RAB27A: variants seen among roughly 807,000 people sequenced by gnomAD.
RAB27A encodes RAB27A, member RAS oncogene family.
Under a neutral mutation model 20.8 loss-of-function variants are expected in RAB27A, and 17 were observed. The observed-to-expected ratio is 0.82, with a 90% CI of 0.56 to 1.23. The LOEUF is 1.23. Ranked by LOEUF, RAB27A falls within the 50% of genes most tolerant of loss-of-function variation. The probability of loss-of-function intolerance (pLI) is 0.00; values close to 1 mark genes in which losing one functional copy is unlikely to be tolerated. For missense variants in RAB27A, 277 were observed against 266.7 expected (o/e 1.04, Z -0.27); for synonymous variants, 85 against 92.8 (o/e 0.92, Z 0.48).
intron 2 of RAB27A, among the ~76,000 whole-genome samples, chr15:55,263,212 G>C (rs144661360): frequency 7.2e-5 from 11 of 152,152 alleles, no homozygotes; most frequent in African/African-American, 2.4e-4. Flanking sequence ...CATTCGCCAG[G>C]GGGTAGGGGA....
intron 1 of RAB27A, among the ~76,000 whole-genome samples, chr15:55,316,595 A>G (rs975288600): frequency 3.3e-5 from 5 of 152,008 alleles, no homozygotes; most frequent in Non-Finnish European, 5.9e-5. Flanking sequence ...TAAAAAAAAA[A>G]AGGAGAAAAA....
At chr15:55,295,873 AT>A (rs112752067) in intron 2 of RAB27A, among the ~76,000 whole-genome samples, 4,720 of 144,836 alleles carry the variant, frequency 0.033, 78 homozygotes, top group Non-Finnish European at 0.043. Context: ...TTTTGCTTCA[AT>A]TTTTTTTTTT....
chr15:55,247,070 T>G (rs1398921421), intron 2 of RAB27A, among the ~76,000 whole-genome samples: 1 of 152,200 alleles, frequency 6.6e-6, no homozygotes, highest in Non-Finnish European at 1.5e-5. Flanking sequence ...CCTGGGGCTT[T>G]TTCCAGTCTA....
chr15:55,214,061 T>C (rs1226193748), intron 6 of RAB27A, among the ~76,000 whole-genome samples: 1 of 152,086 alleles, frequency 6.6e-6, no homozygotes, highest in Admixed American at 6.5e-5. Flanking sequence ...TAATGCTGTC[T>C]TATTATTTGA....
intron 2 of RAB27A, among the ~76,000 whole-genome samples, chr15:55,244,020 G>A (rs978448847): frequency 3.9e-5 from 6 of 152,154 alleles, no homozygotes; most frequent in Non-Finnish European, 8.8e-5. Context: ...GTGAAGCTTG[G>A]GCGGGCACAG....
chr15:55,308,808 G>A (rs896378433), intron 2 of RAB27A, among the ~76,000 whole-genome samples: 2 of 152,194 alleles, frequency 1.3e-5, no homozygotes, highest in African/African-American at 2.4e-5. Context: ...TTCACATCAT[G>A]AGATGTCCAC....
chr15:55,306,209 A>G (rs1229457786), intron 2 of RAB27A, among the ~76,000 whole-genome samples: 1 of 152,176 alleles, frequency 6.6e-6, no homozygotes, highest in Non-Finnish European at 1.5e-5. Context: ...TTATTTCCAG[A>G]TTGGAAACAA....
chr15:55,253,606 G>A (rs536788179), intron 2 of RAB27A, among the ~76,000 whole-genome samples: 2 of 152,118 alleles, frequency 1.3e-5, no homozygotes, highest in African/African-American at 4.8e-5. Context: ...CCCAGGATAA[G>A]GCCATCTATG....
At chr15:55,286,607 T>G (rs1898160862) in intron 1 of RAB27A, among the ~76,000 whole-genome samples, 1 of 152,116 alleles carries the variant, frequency 6.6e-6, no homozygotes, top group South Asian at 2.1e-4. Context: ...GCAAAGGTCC[T>G]GAGGTATGGC....
intron 2 of RAB27A, among the ~76,000 whole-genome samples, chr15:55,257,543 T>C (rs1470156822): frequency 6.6e-6 from 1 of 152,220 alleles, no homozygotes; most frequent in Non-Finnish European, 1.5e-5. Context: ...TAAAGTTCTT[T>C]ATCTGGCAGT....
intron 6 of RAB27A, chr15:55,206,360 G>T: frequency 1.6e-6 from 1 of 631,080 alleles, no homozygotes; most frequent in Non-Finnish European, 2.0e-6. Context: ...TTTTTGGAGG[G>T]TTTTTTGTTT....
chr15:55,241,226 T>A (rs2141007729), intron 2 of RAB27A, among the ~76,000 whole-genome samples: 1 of 152,296 alleles, frequency 6.6e-6, no homozygotes, highest in African/African-American at 2.4e-5. Flanking sequence ...ATATTTAAAC[T>A]CTGTACTGCC....
intron 6 of RAB27A, among the ~76,000 whole-genome samples, chr15:55,208,404 T>C (rs28535372): frequency 0.27 from 40,687 of 152,078 alleles, 7,063 homozygotes; most frequent in African/African-American, 0.49. Context: ...TTTATTGTAA[T>C]GCATAATGAA....
chr15:55,293,689 G>C (rs796236115), upstream of RAB27A, among the ~76,000 whole-genome samples: 76 of 151,990 alleles, frequency 5.0e-4, no homozygotes, highest in African/African-American at 1.8e-3. Flanking sequence ...AGGCTGAGGC[G>C]GGTGGATTAC....
chr15:55,304,380 T>C (rs2054988752), intron 2 of RAB27A, among the ~76,000 whole-genome samples: 1 of 151,240 alleles, frequency 6.6e-6, no homozygotes, highest in African/African-American at 2.4e-5. Context: ...TTCACTTGTT[T>C]ATCTGCTGAC....
intron 2 of RAB27A, among the ~76,000 whole-genome samples, chr15:55,264,306 C>T (rs1897383248): frequency 6.6e-6 from 1 of 152,220 alleles, no homozygotes; most frequent in Admixed American, 6.5e-5. Flanking sequence ...CGGCCTCGGC[C>T]TCCCAAAGTA....
chr15:55,245,277 G>A (rs1489236833), intron 2 of RAB27A, among the ~76,000 whole-genome samples: 1 of 152,124 alleles, frequency 6.6e-6, no homozygotes, highest in Non-Finnish European at 1.5e-5. Context: ...CTCAACTTCT[G>A]GTCTAGATGT....
rs369513287 is a variant in RAB27A, at chr15:55,228,935, C to G, written c.240-223G>C. On this transcript the variant is annotated intron_variant, in intron 4 of 6. Transcript: ENST00000336787. The stretch of plus-strand genomic sequence containing the variant: ...GCTGCTGGAGAGGGATGACAAGAAC[C>G]AGCTTGTGATCTTAGTCTCACCCAA... 1.4e-3 allele frequency among the ~76,000 whole-genome samples: 207 copies of G among 152,276 alleles called. 4 individuals carry two copies. In the South Asian group the frequency reaches 0.042, roughly 31 times the overall value.
chr15:55,212,434 A>C (rs1024330103), intron 6 of RAB27A, among the ~76,000 whole-genome samples: 3 of 152,206 alleles, frequency 2.0e-5, no homozygotes, highest in African/African-American at 4.8e-5. Context: ...ATGTTTATCA[A>C]AGGCTTTGCC....
Sources: gnomAD v4.1 joint callset for allele counts (sites outside exome capture counted in the v4.1 genomes callset) on GRCh38, gnomAD v4.1.1 for gene constraint, MANE v1.5 for transcripts, NCBI Gene and HGNC (gene_info 2026-07-23, HGNC 2026-07-21) for gene names.